ZBTB20: variants seen among roughly 807,000 people sequenced by gnomAD.
ZBTB20 encodes zinc finger and BTB domain-containing protein 20.
ZBTB20 carries 9 observed loss-of-function variants against 56.9 expected under a neutral mutation model. The ratio of observed to expected loss-of-function variants is 0.16; its 90% CI spans 0.10 to 0.28. The LOEUF is 0.28. ZBTB20 is among the 10% of genes least tolerant of loss of function. ZBTB20 has a pLI of 1.00. For missense variants in ZBTB20, 655 were observed against 1,003.0 expected, an observed-to-expected ratio of 0.65 and a Z score of 4.69; for synonymous variants, 417 against 420.7, an observed-to-expected ratio of 0.99 and a Z score of 0.11.
intron 2 of ZBTB20, among the ~76,000 whole-genome samples, chr3:115,000,518 T>G (rs1268809384): frequency 2.6e-5 from 4 of 151,582 alleles, no homozygotes; most frequent in Non-Finnish European, 4.4e-5. Flanking sequence ...CAATACCCTT[T>G]CACATTGCCC....
intron 1 of ZBTB20, among the ~76,000 whole-genome samples, chr3:115,146,982 G>GGGGGCGCGGGCGGGGCGGGGCGGGGC (rs1560608889): frequency 3.3e-5 from 5 of 150,218 alleles, no homozygotes; most frequent in Admixed American, 6.6e-5. Flanking sequence ...CGCCGGGGGA[G>GGGGGCGCGGGCGGGGCGGGGCGGGGC]GGGGCGCGGG....
At chr3:115,030,867 T>G (rs2080644235) in intron 2 of ZBTB20, among the ~76,000 whole-genome samples, 2 of 151,408 alleles carry the variant, frequency 1.3e-5, no homozygotes, top group South Asian at 4.2e-4. Flanking sequence ...TTTCTCTCAT[T>G]AGACGTTAAT....
intron 4 of ZBTB20, among the ~76,000 whole-genome samples, chr3:114,859,882 C>T (rs1324053711): frequency 6.6e-6 from 1 of 152,138 alleles, no homozygotes; most frequent in Non-Finnish European, 1.5e-5. Context: ...AGGTTGAAAT[C>T]TGAGGCTTAA....
At chr3:114,438,401 G>C (rs2108939775) in intron 7 of ZBTB20, among the ~76,000 whole-genome samples, 1 of 132,590 alleles carries the variant, frequency 7.5e-6, no homozygotes, top group Admixed American at 8.5e-5. Context: ...TTTCTCCCTA[G>C]TATTCACTCC....
intron 6 of ZBTB20, among the ~76,000 whole-genome samples, chr3:114,677,511 G>A (rs1484415561): frequency 6.6e-6 from 1 of 152,116 alleles, no homozygotes; most frequent in Non-Finnish European, 1.5e-5. Context: ...CACTCCTTAT[G>A]AGAATCTAAT....
intron 3 of ZBTB20, among the ~76,000 whole-genome samples, chr3:114,953,797 C>A (rs1026425210): frequency 5.3e-5 from 8 of 151,880 alleles, no homozygotes; most frequent in Admixed American, 1.3e-4. Context: ...CAGTAATAGA[C>A]TAATATATAA....
intron 7 of ZBTB20, among the ~76,000 whole-genome samples, chr3:114,391,978 C>T (rs1017107474): frequency 1.3e-5 from 2 of 152,088 alleles, no homozygotes; most frequent in Non-Finnish European, 2.9e-5. Context: ...TATTGTGTTC[C>T]AAAATATAAC....
chr3:115,092,424 C>A (rs2083232789), intron 1 of ZBTB20, among the ~76,000 whole-genome samples: 1 of 152,122 alleles, frequency 6.6e-6, no homozygotes, highest in South Asian at 2.1e-4. Context: ...AGTTGTAATA[C>A]TGGCCGACTG....
chr3:114,345,022 AT>A (rs902595186), intron 11 of ZBTB20, among the ~76,000 whole-genome samples: 3 of 152,190 alleles, frequency 2.0e-5, no homozygotes, highest in African/African-American at 7.2e-5. Context: ...TGTGTACAAT[AT>A]ATTCTATAGC....
intron 6 of ZBTB20, among the ~76,000 whole-genome samples, chr3:114,575,537 A>G (rs2053917710): frequency 6.6e-6 from 1 of 152,068 alleles, no homozygotes; most frequent in Admixed American, 6.6e-5. Flanking sequence ...GCAAATTCAT[A>G]TAAAAGATTT....
rs1323545001 is a variant in ZBTB20, at chr3:114,317,678, C to T, written c.*21327G>A. ...ATCTTCCACTAACACATCAACCTCC[C>T]CTATCACTTTTTAAAAAAATTGTAA... On this transcript the variant is annotated 3_prime_UTR_variant, in exon 12 of 12. Coordinates refer to ENST00000675478, the MANE Select transcript of ZBTB20 (RefSeq NM_001348800.3). The T allele has an allele frequency of 3.9e-5, 6 of 152,080 alleles. No individual in the cohort carries two copies. Among genetic ancestry groups the T allele is most frequent in the African/African-American group, 1.2e-4 (5 of 41,394 alleles). 9.4% of individuals were successfully genotyped at this position (152,080 alleles called of 1,614,324 possible). A position where few individuals can be genotyped will look rare whatever the true frequency, so the allele number is the denominator to read the frequency against.
intron 2 of ZBTB20, among the ~76,000 whole-genome samples, chr3:114,988,740 C>T (rs1433101521): frequency 6.6e-6 from 1 of 152,162 alleles, no homozygotes; most frequent in Admixed American, 6.5e-5. Context: ...GTTCCTATTT[C>T]TCCACATCCT....
chr3:114,883,767 C>G (rs1339398954), intron 4 of ZBTB20, among the ~76,000 whole-genome samples: 1 of 151,888 alleles, frequency 6.6e-6, no homozygotes, highest in African/African-American at 2.4e-5. Context: ...ATGGTCATAT[C>G]TGTTAGATAC....
At chr3:115,042,650 A>C (rs2081186505) in intron 2 of ZBTB20, among the ~76,000 whole-genome samples, 1 of 152,228 alleles carries the variant, frequency 6.6e-6, no homozygotes, top group African/African-American at 2.4e-5. Flanking sequence ...TTACTGATTT[A>C]CAAACTGGTC....
In ZBTB20 at chr3:114,322,283, T is replaced by C. The variant is rs1353172999; in HGVS notation, c.*16722A>G. On this transcript the variant is annotated 3_prime_UTR_variant, in exon 12 of 12. Coordinates refer to ENST00000675478, the MANE Select transcript of ZBTB20 (RefSeq NM_001348800.3). ...TCATTTACAGTGTCAAGTAGTGTTG[T>C]TTATTTTTTTCTATTTTTTAAACCT... 1 of 152,220 alleles carries C rather than the reference T, an allele frequency of 6.6e-6. No individual in the cohort carries two copies. 9.4% of individuals were successfully genotyped at this position (152,220 alleles called of 1,614,324 possible).
intron 7 of ZBTB20, among the ~76,000 whole-genome samples, chr3:114,430,156 GATC>G (rs1380933859): frequency 1.3e-5 from 2 of 152,158 alleles, no homozygotes; most frequent in African/African-American, 4.8e-5. Flanking sequence ...GTAAAGAAGT[GATC>G]ATATTACCCA....
chr3:114,708,724 GT>G (rs924619416), intron 5 of ZBTB20, among the ~76,000 whole-genome samples: 1 of 152,136 alleles, frequency 6.6e-6, no homozygotes, highest in Non-Finnish European at 1.5e-5. Context: ...AAAATATATT[GT>G]TTAAGTAAAT....
intron 7 of ZBTB20, among the ~76,000 whole-genome samples, chr3:114,447,328 G>A (rs1288304985): frequency 6.6e-6 from 1 of 151,956 alleles, no homozygotes; most frequent in African/African-American, 2.4e-5. Flanking sequence ...TTAAATGAAA[G>A]GAGATCTGCA....
chr3:114,377,879 A>T (rs1213201414), intron 10 of ZBTB20, among the ~76,000 whole-genome samples: 2 of 152,182 alleles, frequency 1.3e-5, no homozygotes, highest in Admixed American at 6.5e-5. Context: ...ATTTTGCTAA[A>T]CACATGACAA....
Sources: gnomAD v4.1 joint callset for allele counts (sites outside exome capture counted in the v4.1 genomes callset) on GRCh38, gnomAD v4.1.1 for gene constraint, MANE v1.5 for transcripts, NCBI Gene and HGNC (gene_info 2026-07-23, HGNC 2026-07-21) for gene names.